Variants in GALNTL6 observed in about 807,000 individuals in gnomAD.
GALNTL6 encodes the protein polypeptide N-acetylgalactosaminyltransferase-like 6.
In GALNTL6, 46 loss-of-function variants were observed where a neutral mutation model predicts 73.7. The observed-to-expected ratio is 0.62, with a 90% CI of 0.49 to 0.80. The LOEUF is 0.80. Ranked by LOEUF, GALNTL6 falls within the 30% of genes least tolerant of loss-of-function variation. The probability of loss-of-function intolerance (pLI) is 0.00; values close to 1 mark genes in which losing one functional copy is unlikely to be tolerated. For synonymous variants in GALNTL6, 259 were observed against 263.7 expected (o/e 0.98, Z 0.17); for missense variants, 604 against 755.0 (o/e 0.80, Z 2.34).
intron 5 of GALNTL6, among the ~76,000 whole-genome samples, chr4:172,484,545 A>AT (rs1223561619): frequency 3.3e-5 from 5 of 151,996 alleles, no homozygotes; most frequent in African/African-American, 7.2e-5. Flanking sequence ...TTATTTAATG[A>AT]TTTTTTTTCT....
intron 5 of GALNTL6, among the ~76,000 whole-genome samples, chr4:172,435,682 T>C (rs1731610370): frequency 6.6e-6 from 1 of 152,150 alleles, no homozygotes; most frequent in Non-Finnish European, 1.5e-5. Flanking sequence ...TCATAATTAT[T>C]GTTTTCATTT....
At chr4:172,492,781 G>T (rs1161685395) in intron 5 of GALNTL6, among the ~76,000 whole-genome samples, 1 of 152,084 alleles carries the variant, frequency 6.6e-6, no homozygotes, top group Non-Finnish European at 1.5e-5. Flanking sequence ...AACTACTTGG[G>T]TCATACTAAA....
intron 2 of GALNTL6, among the ~76,000 whole-genome samples, chr4:171,971,047 G>A (rs1739554785): frequency 1.3e-5 from 2 of 152,164 alleles, no homozygotes; most frequent in South Asian, 4.1e-4. Flanking sequence ...CTCCTGCATG[G>A]AGGAGATGGC....
At chr4:172,653,766 T>C (rs1740608463) in intron 5 of GALNTL6, among the ~76,000 whole-genome samples, 1 of 152,234 alleles carries the variant, frequency 6.6e-6, no homozygotes, top group Admixed American at 6.5e-5. Flanking sequence ...TCTGCATTTG[T>C]GACTAACAAG....
chr4:172,037,209 A>G (rs925867472), intron 2 of GALNTL6, among the ~76,000 whole-genome samples: 4 of 152,188 alleles, frequency 2.6e-5, no homozygotes, highest in Non-Finnish European at 5.9e-5. Flanking sequence ...GTATCAATAC[A>G]ATAGTTTATC....
Position 172,477,886 on chromosome 4 carries a change from G to GA in GALNTL6, c.553+129205dup, listed in dbSNP as rs965640059. Among the ~76,000 whole-genome samples the GA allele has an allele frequency of 1.5e-4, 22 of 151,614 alleles. No individual in the cohort carries two copies. In the South Asian group the frequency reaches 1.7e-3, roughly 11 times the overall value. On this transcript the variant is annotated intron_variant, in intron 5 of 12. Coordinates refer to ENST00000506823, the MANE Select transcript of GALNTL6 (RefSeq NM_001034845.3). ...TATTGGAGAAATAGAATATGCAGTA[G>GA]AAAAAAAACAGGAAGAAATGCATGG...
intron 5 of GALNTL6, among the ~76,000 whole-genome samples, chr4:172,359,825 T>C (rs1247695716): frequency 6.6e-6 from 1 of 152,146 alleles, no homozygotes; most frequent in Non-Finnish European, 1.5e-5. Context: ...ATTCTACTTC[T>C]CTGTGAAAGG....
chr4:172,219,590 C>A (rs1391363734), intron 2 of GALNTL6, among the ~76,000 whole-genome samples: 2 of 151,862 alleles, frequency 1.3e-5, no homozygotes, highest in Admixed American at 1.3e-4. Context: ...TATTGTCTCT[C>A]ATGTCTACAA....
chr4:172,310,969 T>C (rs568214193), intron 3 of GALNTL6, among the ~76,000 whole-genome samples: 1 of 152,010 alleles, frequency 6.6e-6, no homozygotes, highest in Non-Finnish European at 1.5e-5. Context: ...GAAATACAAA[T>C]GATAAAGATA....
intron 2 of GALNTL6, among the ~76,000 whole-genome samples, chr4:172,024,738 T>C (rs1579068955): frequency 1.3e-5 from 2 of 151,942 alleles, no homozygotes; most frequent in African/African-American, 2.4e-5. Flanking sequence ...ACAAAATAAA[T>C]AGAGTGGAAC....
intron 5 of GALNTL6, among the ~76,000 whole-genome samples, chr4:172,769,317 G>T (rs1482600053): frequency 6.6e-6 from 1 of 152,054 alleles, no homozygotes; most frequent in African/African-American, 2.4e-5. Flanking sequence ...AATTAAATCA[G>T]CTTGAATGAG....
intron 3 of GALNTL6, among the ~76,000 whole-genome samples, chr4:172,271,686 C>T (rs1738659625): frequency 6.6e-6 from 1 of 151,808 alleles, no homozygotes; most frequent in African/African-American, 2.4e-5. Context: ...ATACATTATG[C>T]ATACACATGA....
intron 2 of GALNTL6, among the ~76,000 whole-genome samples, chr4:172,117,473 A>G (rs911128080): frequency 6.6e-6 from 1 of 152,212 alleles, no homozygotes; most frequent in Admixed American, 6.5e-5. Flanking sequence ...ATTAGATAGG[A>G]GTCTATGATG....
rs550685228 is a variant in GALNTL6 at position 172,332,773 on chromosome 4, A to G, written c.387-15750A>G. ...GTGCTACAATAAACATGTGAGTCCA[A>G]GTATCTTTTTCATATGTTGATTTCT... On this transcript the variant is annotated intron_variant, in intron 4 of 12. Coordinates refer to ENST00000506823, the MANE Select transcript of GALNTL6 (RefSeq NM_001034845.3). 5.3e-5 allele frequency among the ~76,000 whole-genome samples: 8 copies of G among 152,288 alleles called. No individual in the cohort carries two copies. In the South Asian group the frequency reaches 1.7e-3, roughly 32 times the overall value.
intron 2 of GALNTL6, among the ~76,000 whole-genome samples, chr4:171,993,672 G>A (rs946987586): frequency 1.3e-5 from 2 of 152,018 alleles, no homozygotes; most frequent in East Asian, 1.9e-4. Flanking sequence ...ATGCACACGT[G>A]AGTATGGTCC....
chr4:171,928,343 T>C (rs900061585), intron 2 of GALNTL6, among the ~76,000 whole-genome samples: 5 of 152,326 alleles, frequency 3.3e-5, no homozygotes, highest in East Asian at 1.9e-4. Flanking sequence ...TTCTCATCAC[T>C]TAACAGTAAC....
intron 10 of GALNTL6, among the ~76,000 whole-genome samples, chr4:172,996,366 C>A (rs1469088969): frequency 6.6e-6 from 1 of 151,890 alleles, no homozygotes; most frequent in Non-Finnish European, 1.5e-5. Context: ...TAGAGGGGAA[C>A]AGCACACACC....
At chr4:172,746,149 A>AATT (rs1019391435) in intron 5 of GALNTL6, among the ~76,000 whole-genome samples, 3 of 152,014 alleles carry the variant, frequency 2.0e-5, no homozygotes, top group Non-Finnish European at 4.4e-5. Context: ...TATTATAGGC[A>AATT]ATTATTATTA....
At chr4:172,661,871 C>T (rs1731395636) in intron 5 of GALNTL6, among the ~76,000 whole-genome samples, 3 of 152,126 alleles carry the variant, frequency 2.0e-5, no homozygotes, top group African/African-American at 7.2e-5. Flanking sequence ...GGGTGAATGA[C>T]AGCAAAACAG....
Sources: allele counts gnomAD v4.1 joint callset (sites outside exome capture counted in the v4.1 genomes callset), GRCh38; gene constraint gnomAD v4.1.1; transcripts MANE v1.5; gene names NCBI Gene and HGNC (gene_info 2026-07-23, HGNC 2026-07-21).